The following ZNF606 variants were observed in gnomAD, a reference collection of about 807,000 sequenced individuals.
ZNF606 encodes the protein zinc finger protein 606.
ZNF606 carries 37 observed loss-of-function variants against 74.9 expected under a neutral mutation model. That is an observed-to-expected ratio of 0.49 (90% CI 0.38 to 0.65). The LOEUF is 0.65. ZNF606 is among the 30% of genes least tolerant of loss of function. The pLI is 0.00. For missense variants in ZNF606, 852 were observed against 952.9 expected (o/e 0.89, Z 1.39); for synonymous variants, 328 against 312.4 (o/e 1.05, Z -0.53).
Position 57,979,870 on chromosome 19 carries a change from A to C in ZNF606, c.810T>G (p.Val270=). 1 of 1,613,840 alleles carries C rather than the reference A, an allele frequency of 6.2e-7. No homozygotes were observed. Among genetic ancestry groups the C allele is most frequent in the South Asian group, 1.1e-5 (1 of 91,088 alleles). The change falls in exon 7 of 7, where the codon GTT becomes GTG. Residue 270 remains valine (V), a synonymous_variant. Coordinates refer to ENST00000551380, the MANE Select transcript of ZNF606 (RefSeq NM_001348022.3). The stretch of plus-strand genomic sequence containing the variant: ...GGTAAATAGGTTGAATGGACTGATA[A>C]ACAGTTTTGTCATAATCATTATTTT... ...TCENNDYDKT[V]YQSIQPIYPA... is the part of the protein sequence containing the mutation.
chr19:57,996,561 G>A (rs1316680207), intron 4 of ZNF606, among the ~76,000 whole-genome samples: 1 of 152,196 alleles, frequency 6.6e-6, no homozygotes, highest in Non-Finnish European at 1.5e-5. Context: ...GCCTAGAATT[G>A]CAAAGGAAAA....
At chr19:57,985,279 G>C (rs1048631548) in intron 6 of ZNF606, among the ~76,000 whole-genome samples, 1 of 152,132 alleles carries the variant, frequency 6.6e-6, no homozygotes, top group African/African-American at 2.4e-5. Context: ...AAAAATGACA[G>C]CCCCCACTTC....
intron 4 of ZNF606, chr19:57,999,339 C>T (rs986847107): frequency 3.0e-5 from 5 of 166,008 alleles, no homozygotes; most frequent in Admixed American, 1.3e-4. Flanking sequence ...TTTCTCCTGT[C>T]CCACACTGCA....
chr19:57,989,911 G>A (rs1405517018), intron 4 of ZNF606, among the ~76,000 whole-genome samples: 4 of 151,206 alleles, frequency 2.6e-5, no homozygotes, highest in Non-Finnish European at 5.9e-5. Context: ...AATTAGCTCA[G>A]CGCAGTGGCA....
At position 58,001,453 on chromosome 19, in the gene ZNF606, G is replaced by A. The variant is rs911293705; in HGVS notation, c.-51-83C>T. ...GAACAAAGAAGGGAATCCATCCACC[G>A]AAGCAACAAAAAAACTTGTAAGGAG... On this transcript the variant is annotated intron_variant, in intron 1 of 6. Transcript: ENST00000551380. 6.0e-5 allele frequency: 66 copies of A among 1,097,956 alleles called. 2 individuals are homozygous for A. The highest frequency in any genetic ancestry group is 2.6e-5 in the Non-Finnish European group (19 of 744,846). The allele number at this position is 1,097,956 out of a possible 1,614,324, so 68.0% of individuals were successfully genotyped here. A position where few individuals can be genotyped will look rare whatever the true frequency, so the allele number is the denominator to read the frequency against.
Position 58,002,731 on chromosome 19 carries a change from C to G in ZNF606, c.-387G>C, listed in dbSNP as rs758867766. On this transcript the variant is annotated 5_prime_UTR_variant, in exon 1 of 7. Transcript: ENST00000551380. ...CTCTCCCAGCCGGCTCTCCTGACCC[C>G]CCAAGCCCCGCAGCTACGGCGGCCC... 7 of 454,112 alleles carry G rather than the reference C, an allele frequency of 1.5e-5. No individual in the cohort carries two copies. The highest frequency in any genetic ancestry group is 3.1e-5 in the South Asian group (2 of 64,500). The allele number at this position is 454,112 out of a possible 1,614,324, so 28.1% of individuals were successfully genotyped here.
Position 57,979,415 on chromosome 19 carries a change from T to C in ZNF606, c.1265A>G (p.His422Arg), listed in dbSNP as rs1403158789. The C allele has an allele frequency of 6.2e-7, 1 of 1,613,916 alleles. No individual in the cohort carries two copies. The highest frequency in any genetic ancestry group is 1.3e-5 in the African/African-American group (1 of 75,020). ...SSYLIQHKKTHTGEKPYECDK... is the reference protein window; with the variant it reads ...SSYLIQHKKTRTGEKPYECDK... ...ACATTCATAGGGTTTTTCTCCAGTA[T>C]GAGTTTTCTTATGTTGAATAAGGTA... The change falls in exon 7 of 7, where the codon CAT becomes CGT. Residue 422 changes from histidine (H) to arginine (R), a missense_variant. Around this residue, in one of 3 missense-constraint regions of ZNF606, gnomAD observed 545 missense variants for 542.5 expected, o/e 1.00. Transcript: ENST00000551380.
chr19:57,995,625 C>T (rs2073327645), intron 4 of ZNF606, among the ~76,000 whole-genome samples: 1 of 152,134 alleles, frequency 6.6e-6, no homozygotes, highest in African/African-American at 2.4e-5. Context: ...TTGAGACTAG[C>T]CTGCCCAATA....
rs2073197867 is a variant in ZNF606, at chr19:57,988,408, T to A, written c.305-106A>T. The A allele has an allele frequency of 2.9e-6, 4 of 1,389,050 alleles. No homozygotes were observed. In the Admixed American group the frequency reaches 7.7e-5, roughly 27 times the overall value. 86.0% of individuals were successfully genotyped at this position (1,389,050 alleles called of 1,614,324 possible). ...CTGTGACTTCTCAACCTGGGCAGAA[T>A]ATGCAAGGTCCTTCCCACTCCATGC... On this transcript the variant is annotated intron_variant, in intron 5 of 6. Coordinates refer to ENST00000551380, the MANE Select transcript of ZNF606 (RefSeq NM_001348022.3).
chr19:57,989,638 G>C (rs1177579079), intron 4 of ZNF606, among the ~76,000 whole-genome samples: 1 of 151,694 alleles, frequency 6.6e-6, no homozygotes, highest in South Asian at 2.1e-4. Context: ...GTAGAGACAG[G>C]GTTTTGCCAT....
At chr19:58,001,228 G>A in intron 2 of ZNF606, 61 bp downstream of exon 2, 1 of 1,597,280 alleles carries the variant, frequency 6.3e-7, no homozygotes, top group Non-Finnish European at 8.6e-7. Context: ...CACCAGCTCT[G>A]ACCCATGACT....
chr19:57,992,957 T>C (rs552102262), intron 4 of ZNF606, among the ~76,000 whole-genome samples: 13 of 152,172 alleles, frequency 8.5e-5, no homozygotes, highest in Non-Finnish European at 1.2e-4. Flanking sequence ...TTTACAGATA[T>C]AATTAAGAAT....
rs1442049569 is a variant in ZNF606 at position 58,002,742 on chromosome 19, C to T, written c.-398G>A. ...GGCTCTCCTGACCCCCCAAGCCCCG[C>T]AGCTACGGCGGCCCCACAGCCTGAG... is the stretch of plus-strand genomic sequence containing the variant. On this transcript the variant is annotated 5_prime_UTR_variant, in exon 1 of 7. Coordinates refer to ENST00000551380, the MANE Select transcript of ZNF606 (RefSeq NM_001348022.3). 6 of 454,102 alleles carry T rather than the reference C, an allele frequency of 1.3e-5. No individual in the cohort carries two copies. Among genetic ancestry groups the T allele is most frequent in the South Asian group, 7.8e-5 (5 of 64,482 alleles). The allele number at this position is 454,102 out of a possible 1,614,324, so 28.1% of individuals were successfully genotyped here. A position where few individuals can be genotyped will look rare whatever the true frequency, so the allele number is the denominator to read the frequency against.
At position 57,978,381 on chromosome 19, in the gene ZNF606, T is replaced by C; in HGVS notation, c.2299A>G (p.Ser767Gly). The C allele has an allele frequency of 6.2e-7, 1 of 1,611,634 alleles. No individual in the cohort carries two copies. The highest frequency in any genetic ancestry group is 1.7e-5 in the Admixed American group (1 of 59,982). ...MHSGEKRFICSECGKAFSGHS... is the reference protein window; with the variant it reads ...MHSGEKRFICGECGKAFSGHS... ...CCACTAAAGGCTTTTCCACATTCACTGCATATAAAGCGTTTCTCTCCACTA... is the reference window on the plus strand; with the variant it reads ...CCACTAAAGGCTTTTCCACATTCACCGCATATAAAGCGTTTCTCTCCACTA... Residue 767 changes from serine to glycine, a missense_variant, in exon 7 of 7, where the codon AGT becomes GGT. Physicochemically the swap from Ser to Gly is moderately conservative, Grantham distance 56. This residue lies in a region of ZNF606 where 64 missense variants were observed against 51.1 expected (regional missense o/e 1.25). Coordinates refer to ENST00000551380, the MANE Select transcript of ZNF606 (RefSeq NM_001348022.3). The surrounding 1 kb of genome is among the most constrained non-coding windows in gnomAD (Gnocchi z 4.4).
chr19:57,994,150 G>T (rs539015124), intron 4 of ZNF606, among the ~76,000 whole-genome samples: 1 of 152,212 alleles, frequency 6.6e-6, no homozygotes, highest in African/African-American at 2.4e-5. Context: ...TACAAGAGAG[G>T]CTGAGAGAAT....
chr19:58,003,047 G>GT (rs1395052801), upstream of ZNF606: 21 of 418,264 alleles, frequency 5.0e-5, no homozygotes, highest in Admixed American at 5.7e-4. Flanking sequence ...AAAGGCCTGG[G>GT]TAAGTCGCGG....
At chr19:57,988,126 A>C in intron 6 of ZNF606, 81 bp downstream of exon 6, 868 of 935,308 alleles carry the variant, frequency 9.3e-4, no homozygotes, top group Non-Finnish European at 1.3e-3. Flanking sequence ...TGAGGAAGGT[A>C]ACTCTTCATG....
chr19:57,992,623 T>A lies in ZNF606; in HGVS notation c.178-3902A>T, dbSNP rs1029667729. ...GACACATAGAGAAAACAATATGAACTGGATATCAGGTGACATTGAGGAATT... is the reference window on the plus strand; with the variant it reads ...GACACATAGAGAAAACAATATGAACAGGATATCAGGTGACATTGAGGAATT... On this transcript the variant is annotated intron_variant, in intron 4 of 6. Coordinates refer to ENST00000551380, the MANE Select transcript of ZNF606 (RefSeq NM_001348022.3). Among the ~76,000 whole-genome samples, 19 of 152,334 alleles carry A rather than the reference T, an allele frequency of 1.2e-4. No individual in the cohort carries two copies. The East Asian group carries it at 3.7e-3, about 29-fold the overall frequency.
intron 4 of ZNF606, 93 bp downstream of exon 4, chr19:57,999,715 C>T: frequency 7.5e-7 from 1 of 1,341,382 alleles, no homozygotes. Context: ...CCTACCCAAA[C>T]TCCAACTGTT....
Sources: gnomAD v4.1 joint callset for allele counts (sites outside exome capture counted in the v4.1 genomes callset) on GRCh38, gnomAD v4.1.1 for gene constraint, gnomAD v4.1.1 regional missense constraint, Gnocchi (gnomAD v3.1) non-coding constraint, MANE v1.5 for transcripts, NCBI Gene and HGNC (gene_info 2026-07-23, HGNC 2026-07-21) for gene names.